Variants in SMCO4 observed in about 807,000 individuals in gnomAD.
SMCO4 encodes the protein single-pass membrane protein with coiled-coil domains 4, also known as single-pass membrane and coiled-coil domain-containing protein 4.
In SMCO4, 4 loss-of-function variants were observed where a neutral mutation model predicts 3.6. The observed-to-expected ratio is 1.11, with a 90% CI of 0.54 to 2.53. SMCO4 has a LOEUF of 2.53. Among genes scored for constraint, SMCO4 ranks in the 30% most tolerant of loss-of-function variants. SMCO4 has a pLI of 0.02. For missense variants in SMCO4, 70 were observed against 80.8 expected (o/e 0.87, Z 0.51); for synonymous variants, 36 against 35.3 (o/e 1.02, Z -0.07).
chr11:93,552,618 C>T, the SMCO4 span, among the ~76,000 whole-genome samples: 2 of 151,612 alleles, frequency 1.3e-5, no homozygotes, highest in South Asian at 2.1e-4. Context: ...ATTACAGGCA[C>T]CCGCTAACAA....
chr11:93,533,465 C>T (rs1949182168), intron 1 of SMCO4, among the ~76,000 whole-genome samples: 2 of 152,196 alleles, frequency 1.3e-5, no homozygotes. Context: ...GAAATCTCAA[C>T]TCCCCAGAGC....
chr11:93,521,384 C>A (rs1949057333), intron 1 of SMCO4, among the ~76,000 whole-genome samples: 1 of 152,202 alleles, frequency 6.6e-6, no homozygotes, highest in Non-Finnish European at 1.5e-5. Context: ...TTACTAACTG[C>A]TTATCAGATG....
chr11:93,540,560 T>C (rs1949263456), intron 1 of SMCO4, among the ~76,000 whole-genome samples: 1 of 152,248 alleles, frequency 6.6e-6, no homozygotes, highest in Non-Finnish European at 1.5e-5. Context: ...CACAACCCTG[T>C]AGGATAGCTG....
At chr11:93,539,183 C>T (rs572997379) in intron 1 of SMCO4, among the ~76,000 whole-genome samples, 1 of 152,226 alleles carries the variant, frequency 6.6e-6, no homozygotes, top group African/African-American at 2.4e-5. Flanking sequence ...GAGCCTAGAT[C>T]TCACCAACCT....
chr11:93,534,119 A>C lies in SMCO4; in HGVS notation c.-154+9157T>G, dbSNP rs1441656673. Among the ~76,000 whole-genome samples, 3 of 150,718 alleles carry C rather than the reference A, an allele frequency of 2.0e-5. No individual in the cohort carries two copies. In the East Asian group the frequency reaches 5.9e-4, roughly 30 times the overall value. On this transcript the variant is annotated intron_variant, in intron 1 of 2. Coordinates refer to ENST00000298966, the MANE Select transcript of SMCO4 (RefSeq NM_020179.3). ...GGCAGGAGAATTGCTTGAACCTGGG[A>C]GGCAGAGGTTGAAATGAGCTAAGAT...
intron 1 of SMCO4, among the ~76,000 whole-genome samples, chr11:93,531,383 T>C (rs1949160566): frequency 6.6e-6 from 1 of 152,090 alleles, no homozygotes. Context: ...TCTCAGTACC[T>C]GGATTGGAAC....
At chr11:93,503,779 C>T (rs1019379957) in intron 1 of SMCO4, among the ~76,000 whole-genome samples, 7 of 152,144 alleles carry the variant, frequency 4.6e-5, no homozygotes, top group Non-Finnish European at 5.9e-5. Context: ...ACATGGAGCA[C>T]GGTCCTGCCC....
chr11:93,496,284 A>T (rs1948771223), intron 2 of SMCO4, among the ~76,000 whole-genome samples: 1 of 152,204 alleles, frequency 6.6e-6, no homozygotes, highest in African/African-American at 2.4e-5. Flanking sequence ...GATGAATTCA[A>T]GATGTACTTT....
chr11:93,519,979 A>G (rs1949042957), intron 1 of SMCO4, among the ~76,000 whole-genome samples: 1 of 152,226 alleles, frequency 6.6e-6, no homozygotes, highest in South Asian at 2.1e-4. Flanking sequence ...AAGCTACACT[A>G]CGAACATAAA....
At chr11:93,542,121 A>AC (rs1949275714) in intron 1 of SMCO4, among the ~76,000 whole-genome samples, 1 of 151,504 alleles carries the variant, frequency 6.6e-6, no homozygotes, top group Admixed American at 6.6e-5. Flanking sequence ...GGGGAAAAAA[A>AC]AAAAGCCAAC....
intron 2 of SMCO4, among the ~76,000 whole-genome samples, chr11:93,495,947 G>T (rs1043205160): frequency 3.3e-5 from 5 of 152,180 alleles, no homozygotes; most frequent in Non-Finnish European, 7.3e-5. Context: ...AGAGTGAAGG[G>T]GAGAATGTCT....
the SMCO4 span, among the ~76,000 whole-genome samples, chr11:93,550,168 A>C: frequency 1.3e-5 from 2 of 152,228 alleles, no homozygotes; most frequent in Admixed American, 1.3e-4. Context: ...CTCTCAAGCC[A>C]AGAACACCAG....
intron 2 of SMCO4, among the ~76,000 whole-genome samples, chr11:93,483,836 C>T (rs989644908): frequency 2.0e-5 from 3 of 152,208 alleles, no homozygotes; most frequent in African/African-American, 4.8e-5. Flanking sequence ...GAAGCCTGGA[C>T]AGTCCCCACC....
intron 1 of SMCO4, among the ~76,000 whole-genome samples, chr11:93,501,223 G>A (rs544158815): frequency 2.6e-5 from 4 of 152,340 alleles, no homozygotes; most frequent in Non-Finnish European, 5.9e-5. Flanking sequence ...GAAATTGGGA[G>A]TAAGTGCTCA....
At chr11:93,506,752 TG>T (rs1948907933) in intron 1 of SMCO4, among the ~76,000 whole-genome samples, 2 of 152,210 alleles carry the variant, frequency 1.3e-5, no homozygotes, top group South Asian at 4.1e-4. Context: ...TAGCTAAGCG[TG>T]TCCTTGATGA....
intron 2 of SMCO4, among the ~76,000 whole-genome samples, chr11:93,484,494 G>A (rs918578622): frequency 2.6e-5 from 4 of 152,074 alleles, no homozygotes; most frequent in East Asian, 3.9e-4. Flanking sequence ...CTCACGTCCC[G>A]ACTCTCCTCC....
intron 2 of SMCO4, among the ~76,000 whole-genome samples, chr11:93,487,600 A>C (rs1948666292): frequency 6.6e-6 from 1 of 152,242 alleles, no homozygotes; most frequent in Non-Finnish European, 1.5e-5. Flanking sequence ...AGAATCTTTG[A>C]GTGGGTTGCC....
chr11:93,545,227 G>C (rs2134648006), upstream of SMCO4, among the ~76,000 whole-genome samples: 1 of 152,322 alleles, frequency 6.6e-6, no homozygotes, highest in South Asian at 2.1e-4. Flanking sequence ...GTAGGACTCA[G>C]TCCCTTAATA....
At chr11:93,500,675 C>T (rs1380447972) in intron 1 of SMCO4, among the ~76,000 whole-genome samples, 2 of 152,138 alleles carry the variant, frequency 1.3e-5, no homozygotes, top group African/African-American at 2.4e-5. Flanking sequence ...GTAGTCTAGT[C>T]CCCATTCTCT....
Sources: gnomAD v4.1 joint callset for allele counts (sites outside exome capture counted in the v4.1 genomes callset) on GRCh38, gnomAD v4.1.1 for gene constraint, MANE v1.5 for transcripts, NCBI Gene and HGNC (gene_info 2026-07-23, HGNC 2026-07-21) for gene names.